SYNPO2: variants seen among roughly 807,000 people sequenced by gnomAD.
SYNPO2 encodes the protein synaptopodin-2.
In SYNPO2, 56 loss-of-function variants were observed where a neutral mutation model predicts 85.0. The observed-to-expected ratio is 0.66, with a 90% CI of 0.53 to 0.82. The LOEUF is 0.82. Ranked by LOEUF, SYNPO2 falls within the 40% of genes least tolerant of loss-of-function variation. The probability of loss-of-function intolerance (pLI) is 0.00; values close to 1 mark genes in which losing one functional copy is unlikely to be tolerated. For synonymous variants in SYNPO2, 602 were observed against 591.1 expected (o/e 1.02, Z -0.27); for missense variants, 1,575 against 1,534.2 (o/e 1.03, Z -0.44).
At chr4:118,971,722 G>T (rs548716158) in intron 1 of SYNPO2, among the ~76,000 whole-genome samples, 1 of 152,180 alleles carries the variant, frequency 6.6e-6, no homozygotes, top group Non-Finnish European at 1.5e-5. Context: ...GTAAGAGAAA[G>T]ACCTGGCCAG....
chr4:119,035,911 A>T (rs1205828449), intron 4 of SYNPO2: 5 of 985,216 alleles, frequency 5.1e-6, no homozygotes, highest in Non-Finnish European at 4.8e-6. Context: ...AAGGTTAAAG[A>T]ACTTTGAAGG....
chr4:118,869,003 A>G (rs1478114559), intron 1 of SYNPO2, among the ~76,000 whole-genome samples: 4 of 152,158 alleles, frequency 2.6e-5, no homozygotes, highest in Non-Finnish European at 5.9e-5. Context: ...CAGAAAGTTT[A>G]GCAAATGACA....
chr4:118,988,207 G>A (rs1228066205), intron 1 of SYNPO2, among the ~76,000 whole-genome samples: 1 of 152,060 alleles, frequency 6.6e-6, no homozygotes, highest in African/African-American at 2.4e-5. Flanking sequence ...ATTAATTTAT[G>A]TGAATGTACA....
intron 1 of SYNPO2, among the ~76,000 whole-genome samples, chr4:118,867,532 T>G (rs185364154): frequency 7.1e-4 from 108 of 152,014 alleles, no homozygotes; most frequent in Middle Eastern, 6.8e-3. Flanking sequence ...AAAAGTGTAA[T>G]TATTTGTTAC....
intron 3 of SYNPO2, among the ~76,000 whole-genome samples, chr4:119,027,927 G>T (rs1359930137): frequency 6.6e-6 from 1 of 152,118 alleles, no homozygotes; most frequent in Non-Finnish European, 1.5e-5. Context: ...GATGCTTGCA[G>T]AAGTGAGTTT....
chr4:118,912,099 C>A (rs920312247), intron 1 of SYNPO2, among the ~76,000 whole-genome samples: 2 of 152,160 alleles, frequency 1.3e-5, no homozygotes, highest in African/African-American at 4.8e-5. Flanking sequence ...GATAAATAAA[C>A]CACTAGCCTT....
At chr4:118,851,427 C>T (rs925203931) in intron 1 of SYNPO2, among the ~76,000 whole-genome samples, 2 of 151,884 alleles carry the variant, frequency 1.3e-5, no homozygotes, top group African/African-American at 4.8e-5. Context: ...GCAGAGGTTG[C>T]GGTGAGCCGA....
chr4:119,035,140 A>G, intron 4 of SYNPO2: 17 of 985,474 alleles, frequency 1.7e-5, no homozygotes, highest in Non-Finnish European at 2.0e-5. Flanking sequence ...GCACTGGAAT[A>G]TAAATGAAAA....
At chr4:118,923,976 T>C (rs1733629760) in intron 1 of SYNPO2, among the ~76,000 whole-genome samples, 1 of 152,150 alleles carries the variant, frequency 6.6e-6, no homozygotes. Flanking sequence ...TTTCAATTAA[T>C]GATGATCTCA....
At chr4:118,942,398 A>T (rs1734346082) in intron 1 of SYNPO2, among the ~76,000 whole-genome samples, 1 of 152,196 alleles carries the variant, frequency 6.6e-6, no homozygotes, top group Non-Finnish European at 1.5e-5. Flanking sequence ...TGCTCAGTAA[A>T]TATTGACTGA....
intron 1 of SYNPO2, among the ~76,000 whole-genome samples, chr4:118,977,407 C>A (rs1735829175): frequency 6.6e-6 from 1 of 152,242 alleles, no homozygotes; most frequent in Non-Finnish European, 1.5e-5. Context: ...CGGCACGCAG[C>A]CCCGGTTCCC....
intron 1 of SYNPO2, among the ~76,000 whole-genome samples, chr4:118,878,559 G>A (rs1321038604): frequency 6.6e-6 from 1 of 151,944 alleles, no homozygotes; most frequent in East Asian, 1.9e-4. Context: ...CGCGCTCTGT[G>A]TCTAGCTAAA....
intron 1 of SYNPO2, among the ~76,000 whole-genome samples, chr4:119,016,789 T>A (rs1404525358): frequency 6.6e-6 from 1 of 152,196 alleles, no homozygotes; most frequent in Non-Finnish European, 1.5e-5. Context: ...TCTAGCATCA[T>A]GATGGCTGCT....
At chr4:118,950,107 T>G (rs1036904017) in intron 1 of SYNPO2, among the ~76,000 whole-genome samples, 3 of 152,090 alleles carry the variant, frequency 2.0e-5, no homozygotes, top group Non-Finnish European at 4.4e-5. Flanking sequence ...ACTGCCACAT[T>G]CCATTCTCAA....
chr4:118,872,958 A>G (rs1731830320), intron 1 of SYNPO2, among the ~76,000 whole-genome samples: 1 of 152,180 alleles, frequency 6.6e-6, no homozygotes, highest in Non-Finnish European at 1.5e-5. Flanking sequence ...CACTTGAGAT[A>G]ATGGCCTCCA....
At chr4:118,930,402 C>T (rs1167230896) in intron 1 of SYNPO2, among the ~76,000 whole-genome samples, 1 of 152,144 alleles carries the variant, frequency 6.6e-6, no homozygotes, top group Non-Finnish European at 1.5e-5. Flanking sequence ...CTGTGTGGTG[C>T]ATACTTCTGT....
intron 1 of SYNPO2, among the ~76,000 whole-genome samples, chr4:118,897,084 A>G (rs1009408130): frequency 6.6e-6 from 1 of 152,214 alleles, no homozygotes; most frequent in Non-Finnish European, 1.5e-5. Context: ...AAAGAGGTTT[A>G]ATTGACTCAC....
At chr4:118,911,432 G>A (rs539484841) in intron 1 of SYNPO2, among the ~76,000 whole-genome samples, 17 of 152,208 alleles carry the variant, frequency 1.1e-4, no homozygotes, top group Non-Finnish European at 1.3e-4. Flanking sequence ...TGCTTTCCCC[G>A]ATTCACCATT....
intron 4 of SYNPO2, among the ~76,000 whole-genome samples, chr4:119,051,256 C>A (rs1739033356): frequency 8.4e-6 from 1 of 118,854 alleles, no homozygotes; most frequent in Non-Finnish European, 1.6e-5. Context: ...GTGGCGGGAT[C>A]TCGGCTCACT....
Sources: allele counts gnomAD v4.1 joint callset (sites outside exome capture counted in the v4.1 genomes callset), GRCh38; gene constraint gnomAD v4.1.1; transcripts MANE v1.5; gene names NCBI Gene and HGNC (gene_info 2026-07-23, HGNC 2026-07-21).